SLC25A20: variants seen among roughly 807,000 people sequenced by gnomAD.
The protein encoded by SLC25A20 is mitochondrial carnitine/acylcarnitine carrier protein.
SLC25A20 carries 29 observed loss-of-function variants against 39.7 expected under a neutral mutation model. The ratio of observed to expected loss-of-function variants is 0.73; its 90% CI spans 0.54 to 1.00. The LOEUF (loss-of-function observed/expected upper bound fraction) is 1.00, where lower values mean the gene tolerates loss of function less well. SLC25A20 is among the 50% of genes least tolerant of loss of function. The probability of loss-of-function intolerance (pLI) is 0.00; values close to 1 mark genes in which losing one functional copy is unlikely to be tolerated. For missense variants in SLC25A20, 333 were observed against 379.9 expected (o/e 0.88, Z 1.03); for synonymous variants, 103 against 142.2 (o/e 0.72, Z 1.96).
intron 1 of SLC25A20, among the ~76,000 whole-genome samples, chr3:48,896,973 C>A (rs542454615): frequency 8.5e-5 from 13 of 152,154 alleles, no homozygotes; most frequent in African/African-American, 3.1e-4. Context: ...TTCCATAGAG[C>A]CTTTTCATGA....
chr3:48,898,597 T>C (rs1471782186), intron 1 of SLC25A20, 93 bp downstream of exon 1: 9 of 1,162,134 alleles, frequency 7.7e-6, no homozygotes, highest in Non-Finnish European at 1.1e-5. Flanking sequence ...CACATGCCCC[T>C]CTTCTGCCCA....
At chr3:48,858,445 TCAAACCA>T in intron 8 of SLC25A20, 55 bp downstream of exon 8, 2 of 1,611,838 alleles carry the variant, frequency 1.2e-6, no homozygotes, top group Non-Finnish European at 1.7e-6. Flanking sequence ...CAAGCAAAAG[TCAAACCA>T]CATGCACCCT....
intron 1 of SLC25A20, 70 bp downstream of exon 1, chr3:48,898,620 C>T (rs1048141000): frequency 9.2e-5 from 130 of 1,412,276 alleles, no homozygotes; most frequent in Middle Eastern, 7.0e-4. Flanking sequence ...GTCCGCGCCT[C>T]GCGGGGGACC....
intron 8 of SLC25A20, 131 bp from the exon 9 acceptor site, chr3:48,857,903 G>T: frequency 1.4e-6 from 1 of 726,424 alleles, no homozygotes; most frequent in Non-Finnish European, 2.4e-6. Context: ...CCACATCAAG[G>T]ATGCAAGCTC....
At chr3:48,877,473 G>A (rs1333758519) in intron 4 of SLC25A20, among the ~76,000 whole-genome samples, 1 of 151,992 alleles carries the variant, frequency 6.6e-6, no homozygotes, top group African/African-American at 2.4e-5. Context: ...GCTCACTCCT[G>A]TAATCCCAGC....
chr3:48,858,706 C>A (rs1575977731), intron 7 of SLC25A20, 75 bp from the exon 8 acceptor site: 1 of 1,588,014 alleles, frequency 6.3e-7, no homozygotes, highest in East Asian at 2.2e-5. Context: ...AGGGTCAGGA[C>A]TAGCACAGGG....
At chr3:48,895,830 G>C (rs1401100479) in intron 1 of SLC25A20, 1 of 456,452 alleles carries the variant, frequency 2.2e-6, no homozygotes, top group Non-Finnish European at 4.4e-6. Flanking sequence ...TTAGTAGAGA[G>C]AGAGAAATGG....
At chr3:48,859,496 A>C in intron 6 of SLC25A20, 59 bp downstream of exon 6, 1 of 1,362,644 alleles carries the variant, frequency 7.3e-7, no homozygotes, top group Non-Finnish European at 1.1e-6. Flanking sequence ...ATTCACCCAC[A>C]GGAGAGGGCA....
rs1312789327 is a variant in SLC25A20, at chr3:48,898,857, T to C, written c.-63A>G. 5.4e-6 allele frequency: 8 copies of C among 1,491,268 alleles called. No individual in the cohort carries two copies. The highest frequency in any genetic ancestry group is 6.4e-6 in the Non-Finnish European group (7 of 1,093,164). 92.4% of individuals were successfully genotyped at this position (1,491,268 alleles called of 1,614,324 possible). On this transcript the variant is annotated 5_prime_UTR_variant, in exon 1 of 9. Coordinates refer to ENST00000319017, the MANE Select transcript of SLC25A20 (RefSeq NM_000387.6). ...GCCGTCCTGGCTTCTCAGCCCCAGC[T>C]GCAGTGCCGGCGCCGCCGACCTTTC...
At chr3:48,878,496 G>A (rs1373674694) in intron 4 of SLC25A20, among the ~76,000 whole-genome samples, 8 of 149,876 alleles carry the variant, frequency 5.3e-5, no homozygotes, top group Non-Finnish European at 1.2e-4. Flanking sequence ...ACCAAGTCCA[G>A]CTAATTTTAA....
rs750204254 is a variant in SLC25A20, at chr3:48,892,049, C to T, written c.129G>A (p.Pro43=). The T allele has an allele frequency of 6.8e-6, 11 of 1,613,952 alleles. No individual in the cohort carries two copies. In the East Asian group the frequency reaches 8.9e-5, roughly 13 times the overall value. ...ACATGGGAGGTTGTCCAGGCAAACT[C>T]GGTGGCTGTGTCTGCAGTCGGACCT... ...TVKVRLQTQP[P]SLPGQPPMYS... is the part of the protein sequence containing the mutation. Residue 43 remains proline (P), a synonymous_variant, in exon 2 of 9, where the codon CCG becomes CCA. Transcript: ENST00000319017.
chr3:48,870,757 T>C (rs1219866487), intron 4 of SLC25A20, among the ~76,000 whole-genome samples: 1 of 151,124 alleles, frequency 6.6e-6, no homozygotes, highest in Non-Finnish European at 1.5e-5. Context: ...GCGATCCACC[T>C]GCCTTGGCCT....
intron 2 of SLC25A20, among the ~76,000 whole-genome samples, chr3:48,884,816 GA>G (rs2083818967): frequency 6.8e-6 from 1 of 146,566 alleles, no homozygotes; most frequent in South Asian, 2.1e-4. Context: ...CTGCCAAATA[GA>G]AGACAAATTA....
At chr3:48,861,024 T>G (rs1246698222) in intron 5 of SLC25A20, among the ~76,000 whole-genome samples, 2 of 151,840 alleles carry the variant, frequency 1.3e-5, no homozygotes, top group Non-Finnish European at 2.9e-5. Flanking sequence ...AGATGGGGTT[T>G]CACCATATTG....
chr3:48,865,772 C>CA (rs1202666164), intron 4 of SLC25A20, among the ~76,000 whole-genome samples: 232 of 78,060 alleles, frequency 3.0e-3, no homozygotes, highest in Middle Eastern at 8.9e-3. Flanking sequence ...CTGTCTCAAA[C>CA]AAAAAAAAAA....
intron 4 of SLC25A20, among the ~76,000 whole-genome samples, chr3:48,875,657 G>A (rs1469060496): frequency 6.6e-6 from 1 of 152,146 alleles, no homozygotes; most frequent in Non-Finnish European, 1.5e-5. Context: ...TGATCAACCT[G>A]CCTTGGCCTC....
At chr3:48,862,294 T>G (rs1294485391) in intron 5 of SLC25A20, among the ~76,000 whole-genome samples, 2 of 152,184 alleles carry the variant, frequency 1.3e-5, no homozygotes, top group East Asian at 3.9e-4. Context: ...GATTTCTATC[T>G]ACTTGCCACT....
chr3:48,857,812 T>TA, intron 8 of SLC25A20, 40 bp from the exon 9 acceptor site: 2 of 1,575,810 alleles, frequency 1.3e-6, no homozygotes, highest in Non-Finnish European at 1.7e-6. Flanking sequence ...CCAGCAGGAA[T>TA]AACTATTCAT....
In SLC25A20 at chr3:48,875,063, G is replaced by GAA. The variant is rs35547809; in HGVS notation, c.417+4293_417+4294dup. Among the ~76,000 whole-genome samples the GAA allele has an allele frequency of 3.2e-3, 334 of 105,826 alleles. 2 individuals carry two copies. The highest frequency in any genetic ancestry group is 0.012 in the East Asian group (44 of 3,604). The allele number at this position is 105,826 out of a possible 152,430, so 69.4% of individuals were successfully genotyped here. On this transcript the variant is annotated intron_variant, in intron 4 of 8. Coordinates refer to ENST00000319017, the MANE Select transcript of SLC25A20 (RefSeq NM_000387.6). ...GGCAACTGAACGAGACTCTGTCTCA[G>GAA]AAAAAAAAAAAAAAAAAATTATACT...
Sources: allele counts gnomAD v4.1 joint callset (sites outside exome capture counted in the v4.1 genomes callset), GRCh38; gene constraint gnomAD v4.1.1; transcripts MANE v1.5; gene names NCBI Gene and HGNC (gene_info 2026-07-23, HGNC 2026-07-21).